Variants in BICRA observed in about 807,000 individuals in gnomAD.
BICRA encodes the protein BRD4-interacting chromatin-remodeling complex-associated protein.
Under a neutral mutation model 96.9 loss-of-function variants are expected in BICRA, and 31 were observed. The ratio of observed to expected loss-of-function variants is 0.32; its 90% CI spans 0.24 to 0.43. The LOEUF (loss-of-function observed/expected upper bound fraction) is 0.43, where lower values mean the gene tolerates loss of function less well. Among genes scored for constraint, BICRA ranks in the 20% least tolerant of loss-of-function variants. The pLI is 1.00. For synonymous variants in BICRA, 1,350 were observed against 1,071.8 expected, an observed-to-expected ratio of 1.26 and a Z score of -5.07; for missense variants, 2,283 against 2,190.3, an observed-to-expected ratio of 1.04 and a Z score of -0.84.
In BICRA at chr19:47,612,643, G is replaced by A. The variant is rs1971925755; in HGVS notation, c.-108+3475G>A. Reference sequence around the variant, plus strand: ...TGGGGGGCTGAGGGAGAGGGGCTGGGGGGCTGACGGAGAGGGGCTGGACCC... The same window carrying A: ...TGGGGGGCTGAGGGAGAGGGGCTGGAGGGCTGACGGAGAGGGGCTGGACCC... On this transcript the variant is annotated intron_variant, in intron 1 of 14. Coordinates refer to ENST00000594866, the MANE Select transcript of BICRA (RefSeq NM_001394372.1). Among the ~76,000 whole-genome samples, 4 of 151,948 alleles carry A rather than the reference G, an allele frequency of 2.6e-5. No individual in the cohort carries two copies. In the South Asian group the frequency reaches 8.4e-4, roughly 32 times the overall value.
At chr19:47,647,203 G>GT (rs964754367) in intron 1 of BICRA, among the ~76,000 whole-genome samples, 32 of 149,950 alleles carry the variant, frequency 2.1e-4, no homozygotes, top group African/African-American at 3.9e-4. Context: ...GACATTGGAG[G>GT]TTTTTTTTTT....
chr19:47,686,161 C>T (rs1599857383), intron 7 of BICRA, among the ~76,000 whole-genome samples: 2 of 152,232 alleles, frequency 1.3e-5, no homozygotes, highest in East Asian at 1.9e-4. Flanking sequence ...GAACTCCTTA[C>T]CTCAGGTGAT....
upstream of BICRA, among the ~76,000 whole-genome samples, chr19:47,608,935 T>A (rs1296674252): frequency 2.1e-3 from 287 of 134,294 alleles, 1 homozygote; most frequent in African/African-American, 4.7e-3. Context: ...TTAAAAAAAA[T>A]TTTTTTTTTT....
chr19:47,646,122 A>G (rs926340596), intron 1 of BICRA, among the ~76,000 whole-genome samples: 2 of 152,074 alleles, frequency 1.3e-5, no homozygotes, highest in Non-Finnish European at 2.9e-5. Flanking sequence ...CGTAGAAAGA[A>G]AAAAGAAAAC....
At chr19:47,695,612 G>C in intron 10 of BICRA, 138 bp downstream of exon 10, 1 of 614,516 alleles carries the variant, frequency 1.6e-6, no homozygotes, top group African/African-American at 1.8e-5. Flanking sequence ...GAGACACCAC[G>C]AACAGCCGTG....
rs1438983826 is a variant in BICRA, at chr19:47,679,302, C to T, written c.151-19C>T. On this transcript the variant is annotated intron_variant, in intron 5 of 14. Coordinates refer to ENST00000594866, the MANE Select transcript of BICRA (RefSeq NM_001394372.1). ...TTGCTAACCTCAGCTCTTTCCTTCC[C>T]ACCTTTCCCGGCCTGCAGCTCCATG... is the stretch of plus-strand genomic sequence containing the variant. The T allele has an allele frequency of 4.2e-6, 6 of 1,417,888 alleles. No individual in the cohort carries two copies. Among genetic ancestry groups the T allele is most frequent in the Non-Finnish European group, 5.5e-6 (6 of 1,084,844 alleles). The allele number at this position is 1,417,888 out of a possible 1,614,324, so 87.8% of individuals were successfully genotyped here.
At chr19:47,663,533 G>A (rs563849593) in intron 1 of BICRA, 2 of 152,310 alleles carry the variant, frequency 1.3e-5, no homozygotes, top group South Asian at 4.1e-4. Flanking sequence ...ACTGGAAGCA[G>A]GAGCAAAAGA....
At chr19:47,692,132 T>A (rs1442179970) in intron 7 of BICRA, among the ~76,000 whole-genome samples, 1 of 152,116 alleles carries the variant, frequency 6.6e-6, no homozygotes, top group African/African-American at 2.4e-5. Flanking sequence ...TTTCTCCGAC[T>A]CAGCGACGCA....
intron 5 of BICRA, among the ~76,000 whole-genome samples, chr19:47,677,888 G>C (rs536674223): frequency 6.6e-6 from 1 of 152,254 alleles, no homozygotes; most frequent in Admixed American, 6.5e-5. Context: ...CATATGTGTG[G>C]TGTGTGTCAT....
At chr19:47,697,009 T>C (rs1973355066) in intron 11 of BICRA, among the ~76,000 whole-genome samples, 1 of 60,310 alleles carries the variant, frequency 1.7e-5, no homozygotes, top group Admixed American at 2.0e-4. Context: ...TTGTTTTGTT[T>C]TAGGGGGGGT....
rs898403218 is a variant in BICRA at position 47,701,902 on chromosome 19, C to T, written c.4170C>T (p.Thr1390=). 40 of 1,444,802 alleles carry T rather than the reference C, an allele frequency of 2.8e-5. No homozygotes were observed. The highest frequency in any genetic ancestry group is 3.6e-5 in the Non-Finnish European group (40 of 1,107,278). 89.5% of individuals were successfully genotyped at this position (1,444,802 alleles called of 1,614,324 possible). A position where few individuals can be genotyped will look rare whatever the true frequency, so the allele number is the denominator to read the frequency against. The change falls in exon 15 of 15, where the codon ACC becomes ACT. Residue 1390 remains threonine (T), a synonymous_variant. Transcript: ENST00000594866. This position sits in a 1 kb window ranked among gnomAD's most constrained non-coding sequence, Gnocchi z 5.4. ...GCCCGCGCCTGCCACTGCGCAAGAC[C>T]TACCGCGAGAACGTGGGGGGCCCTG... The part of the protein sequence containing the change: ...PHCPRLPLRK[T]YRENVGGPGA...
intron 1 of BICRA, chr19:47,626,052 A>G (rs1035457243): frequency 6.6e-6 from 1 of 152,198 alleles, no homozygotes. Context: ...AGAAACACAC[A>G]CTTGACTCTG....
rs1490369100 is a variant in BICRA, at chr19:47,701,076, T to G, written c.3596-252T>G. 2 of 530,714 alleles carry G rather than the reference T, an allele frequency of 3.8e-6. No individual in the cohort carries two copies. The highest frequency in any genetic ancestry group is 6.6e-6 in the Non-Finnish European group (2 of 302,688). The allele number at this position is 530,714 out of a possible 1,614,324, so 32.9% of individuals were successfully genotyped here. A position where few individuals can be genotyped will look rare whatever the true frequency, so the allele number is the denominator to read the frequency against. On this transcript the variant is annotated intron_variant, in intron 14 of 14. Coordinates refer to ENST00000594866, the MANE Select transcript of BICRA (RefSeq NM_001394372.1). The surrounding 1 kb of genome is among the most constrained non-coding windows in gnomAD (Gnocchi z 5.4). ...TACAGGCCTGAGCCTTGTTTTGTAT[T>G]CTCTTAATTTACTTATGTCTGAATG...
In BICRA at chr19:47,685,786, T is replaced by TGTGTGTGTGTGCGC; in HGVS notation, c.2283+3635_2283+3636insTGTGTGTGTGCGCG. Reference sequence around the variant, plus strand: ...GTGTGTGTGTGTGTGTGTGTGTGTGTGCGCGCGCGCGCGCATGCGTACATT... The same window carrying TGTGTGTGTGTGCGC: ...GTGTGTGTGTGTGTGTGTGTGTGTGTGTGTGTGTGTGCGCGCGCGCGCGCGCGCATGCGTACATT... On this transcript the variant is annotated intron_variant, in intron 7 of 14. Transcript: ENST00000594866. Among the ~76,000 whole-genome samples, 307 of 117,942 alleles carry TGTGTGTGTGTGCGC rather than the reference T, an allele frequency of 2.6e-3. 1 individual carries two copies. Among genetic ancestry groups the TGTGTGTGTGTGCGC allele is most frequent in the East Asian group, 2.8e-3 (8 of 2,866 alleles). The allele number at this position is 117,942 out of a possible 152,430, so 77.4% of individuals were successfully genotyped here. A position where few individuals can be genotyped will look rare whatever the true frequency, so the allele number is the denominator to read the frequency against.
In BICRA at chr19:47,681,020, C is replaced by G; in HGVS notation, c.1850C>G (p.Pro617Arg). ...TPAAATGEAA[P>R]VLTVQPAPQA... is the part of the protein sequence containing the mutation. ...GCCGCTGCCACCGGGGAGGCCGCGC[C>G]TGTCCTCACGGTGCAGCCTGCCCCC... The change falls in exon 6 of 15, where the codon CCT becomes CGT. Residue 617 changes from proline (P) to arginine (R), a missense_variant. By Grantham distance (103) the Pro-to-Arg change is moderately radical. Coordinates refer to ENST00000594866, the MANE Select transcript of BICRA (RefSeq NM_001394372.1). 1 of 1,448,884 alleles carries G rather than the reference C, an allele frequency of 6.9e-7. No individual in the cohort carries two copies. Among genetic ancestry groups the G allele is most frequent in the Non-Finnish European group, 9.0e-7 (1 of 1,109,890 alleles). The allele number at this position is 1,448,884 out of a possible 1,614,324, so 89.8% of individuals were successfully genotyped here.
At chr19:47,652,846 C>G (rs1972559562) in intron 1 of BICRA, among the ~76,000 whole-genome samples, 2 of 152,086 alleles carry the variant, frequency 1.3e-5, no homozygotes, top group Admixed American at 6.6e-5. Context: ...ATACACCCTT[C>G]CTGAAGTTCT....
At chr19:47,614,722 C>T (rs1406258520) in intron 1 of BICRA, among the ~76,000 whole-genome samples, 1 of 152,202 alleles carries the variant, frequency 6.6e-6, no homozygotes, top group African/African-American at 2.4e-5. Context: ...CCCTGGGAGA[C>T]CCTACCAATG....
intron 1 of BICRA, among the ~76,000 whole-genome samples, chr19:47,666,282 C>A (rs201651876): frequency 8.5e-6 from 1 of 118,104 alleles, no homozygotes; most frequent in East Asian, 2.7e-4. Flanking sequence ...TTCTTTTTTT[C>A]TTTTTCTTTT....
rs1256250164 is a variant in BICRA, at chr19:47,681,070, C to T, written c.1900C>T (p.Pro634Ser). ...CCAGGCGCCCCCCGCGGTCAGCACA[C>T]CCCTGCCCCTGGGCCTCCAGCAGCC... ...APQAPPAVST[P>S]LPLGLQQPQA... is the part of the protein sequence containing the mutation. Residue 634 changes from proline (P) to serine (S), a missense_variant, in exon 6 of 15, where the codon CCC becomes TCC. Transcript: ENST00000594866. 4.2e-6 allele frequency: 6 copies of T among 1,438,282 alleles called. No individual in the cohort carries two copies. Among genetic ancestry groups the T allele is most frequent in the Non-Finnish European group, 5.5e-6 (6 of 1,094,736 alleles). The allele number at this position is 1,438,282 out of a possible 1,614,324, so 89.1% of individuals were successfully genotyped here. A position where few individuals can be genotyped will look rare whatever the true frequency, so the allele number is the denominator to read the frequency against.
Sources: allele counts gnomAD v4.1 joint callset (sites outside exome capture counted in the v4.1 genomes callset), GRCh38; gene constraint gnomAD v4.1.1; non-coding constraint Gnocchi (gnomAD v3.1); transcripts MANE v1.5; gene names NCBI Gene and HGNC (gene_info 2026-07-23, HGNC 2026-07-21).